Variants in VWDE observed in about 807,000 individuals in gnomAD.
VWDE encodes the protein von Willebrand factor D and EGF domain-containing protein.
A neutral mutation model predicts 178.4 loss-of-function variants in VWDE; 207 were observed. That is an observed-to-expected ratio of 1.16 (90% CI 1.04 to 1.30). The LOEUF is 1.30. Ranked by LOEUF, VWDE falls within the 50% of genes most tolerant of loss-of-function variation. VWDE has a pLI of 0.00. For synonymous variants in VWDE, 738 were observed against 651.4 expected (o/e 1.13, Z -2.02); for missense variants, 2,287 against 1,901.3 (o/e 1.20, Z -3.77).
chr7:12,368,066 C>G (rs1202088175), intron 12 of VWDE, among the ~76,000 whole-genome samples: 1 of 151,396 alleles, frequency 6.6e-6, no homozygotes, highest in African/African-American at 2.4e-5. Context: ...CCTTAAAAAT[C>G]TTGATGAAAA....
chr7:12,342,001 A>T, intron 23 of VWDE, 58 bp downstream of exon 23: 1 of 1,370,558 alleles, frequency 7.3e-7, no homozygotes, highest in Non-Finnish European at 1.0e-6. Flanking sequence ...CGTCTTCAGG[A>T]CATTGGCATA....
In VWDE at chr7:12,367,363, C is replaced by T. The variant is rs6460939; in HGVS notation, c.2892G>A (p.Lys964=). ...AACTCTATAATTAACATACCTGTAG[C>T]TTAGTAACTTCACATTTAATTGAAG... ...ELPSIKCEVT[K]LQYNSSEWMP... is the part of the protein sequence containing the mutation. Residue 964 remains lysine (K), a synonymous_variant, in exon 13 of 29, where the codon AAG becomes AAA. Coordinates refer to ENST00000275358, the MANE Select transcript of VWDE (RefSeq NM_001135924.3). 2 of 1,541,622 alleles carry T rather than the reference C, an allele frequency of 1.3e-6. No homozygotes were observed. Among genetic ancestry groups the T allele is most frequent in the Admixed American group, 2.0e-5 (1 of 49,614 alleles).
At chr7:12,371,909 G>T (rs1237163207) in intron 10 of VWDE, among the ~76,000 whole-genome samples, 1 of 151,808 alleles carries the variant, frequency 6.6e-6, no homozygotes, top group East Asian at 1.9e-4. Flanking sequence ...CATCACTGGG[G>T]GTATGCACAT....
Position 12,367,503 on chromosome 7 carries a change from A to T in VWDE, c.2762-10T>A. ...ATTTCAGGAGCTTTGTCTTTGGAAA[A>T]AAAATATAACAAATACTACATATTT... is the stretch of plus-strand genomic sequence containing the variant. On this transcript the variant is annotated splice_polypyrimidine_tract_variant and intron_variant, in intron 12 of 28. Transcript: ENST00000275358. 1 of 1,489,794 alleles carries T rather than the reference A, an allele frequency of 6.7e-7. No individual in the cohort carries two copies. Among genetic ancestry groups the T allele is most frequent in the Non-Finnish European group, 8.9e-7 (1 of 1,121,742 alleles). The allele number at this position is 1,489,794 out of a possible 1,614,324, so 92.3% of individuals were successfully genotyped here. A position where few individuals can be genotyped will look rare whatever the true frequency, so the allele number is the denominator to read the frequency against.
At chr7:12,352,703 T>C (rs532467114) in intron 18 of VWDE, among the ~76,000 whole-genome samples, 1 of 152,300 alleles carries the variant, frequency 6.6e-6, no homozygotes, top group African/African-American at 2.4e-5. Context: ...TGCTCATATC[T>C]GTGGGGCTGG....
chr7:12,340,352 T>A lies in VWDE; in HGVS notation c.4336A>T (p.Asn1446Tyr). ...TGACAGTGTTCCCCAAAGAATCCAT[T>A]TGGACAGAGGCAAGTATTTGGCTTA... ...CNKPNTCLCP[N>Y]GFFGEHCQNA... Residue 1446 changes from asparagine (N) to tyrosine (Y), a missense_variant, in exon 24 of 29, where the codon AAT becomes TAT. Asn to Tyr is a moderately radical substitution (Grantham distance 143, BLOSUM62 -2). Coordinates refer to ENST00000275358, the MANE Select transcript of VWDE (RefSeq NM_001135924.3). 5.2e-6 allele frequency: 8 copies of A among 1,551,426 alleles called. No individual in the cohort carries two copies. Among genetic ancestry groups the A allele is most frequent in the Non-Finnish European group, 7.0e-6 (8 of 1,146,830 alleles).
intron 3 of VWDE, chr7:12,388,729 G>C: frequency 3.1e-6 from 1 of 326,988 alleles, no homozygotes; most frequent in Admixed American, 4.1e-5. Flanking sequence ...TTCTGGCACA[G>C]GATAAACATT....
In VWDE at chr7:12,344,263, T is replaced by C. The variant is rs917601505; in HGVS notation, c.4010A>G (p.His1337Arg). The change falls in exon 21 of 29, where the codon CAT becomes CGT. Residue 1337 changes from histidine (H) to arginine (R), a missense_variant. Transcript: ENST00000275358. Reference sequence around the variant, plus strand: ...AATGTTAGGCTTAATACATTTTCCATGGTTTTTGCAATCAGGGTCACAAAG... The same window carrying C: ...AATGTTAGGCTTAATACATTTTCCACGGTTTTTGCAATCAGGGTCACAAAG... ...TALCDPDCKN[H>R]GKCIKPNICQ... The C allele has an allele frequency of 1.1e-5, 17 of 1,551,156 alleles. No individual in the cohort carries two copies. The Admixed American group carries it at 3.1e-4, about 29-fold the overall frequency.
At position 12,342,189 on chromosome 7, in the gene VWDE, G is replaced by C. The variant is rs1481486739; in HGVS notation, c.4175-35C>G. 2.0e-6 allele frequency: 3 copies of C among 1,523,944 alleles called. No individual in the cohort carries two copies. In the African/African-American group the frequency reaches 4.1e-5, roughly 21 times the overall value. 94.4% of individuals were successfully genotyped at this position (1,523,944 alleles called of 1,614,324 possible). On this transcript the variant is annotated intron_variant, in intron 22 of 28. Coordinates refer to ENST00000275358, the MANE Select transcript of VWDE (RefSeq NM_001135924.3). Reference sequence around the variant, plus strand: ...TAGAATAAAGAGAAAAGAAAGATTAGGCTTGGAGTAGTCATATTGTTGGTT... The same window carrying C: ...TAGAATAAAGAGAAAAGAAAGATTACGCTTGGAGTAGTCATATTGTTGGTT...
chr7:12,396,680 C>A (rs1784640146), intron 1 of VWDE, among the ~76,000 whole-genome samples: 1 of 151,930 alleles, frequency 6.6e-6, no homozygotes, highest in African/African-American at 2.4e-5. Flanking sequence ...GGCCAAGAGG[C>A]CAAGGCAGGT....
chr7:12,379,819 G>T (rs917697331), intron 5 of VWDE, among the ~76,000 whole-genome samples: 3 of 152,138 alleles, frequency 2.0e-5, no homozygotes, highest in Admixed American at 1.3e-4. Flanking sequence ...TTAAGGCCGG[G>T]TGCGGTGGCT....
At chr7:12,364,482 C>T (rs1281208694) in intron 13 of VWDE, among the ~76,000 whole-genome samples, 2 of 151,912 alleles carry the variant, frequency 1.3e-5, no homozygotes, top group African/African-American at 2.4e-5. Flanking sequence ...GACGTGTGAA[C>T]GAATTTGTAA....
In VWDE at chr7:12,333,632, C is replaced by T. The variant is rs1455118038; in HGVS notation, c.4655-64G>A. ...ATGAAATGCTTGTGGCATATTCTATCCTAGTGGTCTGGGGCTATCTGGTGA... is the reference window on the plus strand; with the variant it reads ...ATGAAATGCTTGTGGCATATTCTATTCTAGTGGTCTGGGGCTATCTGGTGA... On this transcript the variant is annotated intron_variant, in intron 27 of 28. Coordinates refer to ENST00000275358, the MANE Select transcript of VWDE (RefSeq NM_001135924.3). 2.9e-5 allele frequency: 33 copies of T among 1,143,596 alleles called. No homozygotes were observed. In the East Asian group the frequency reaches 7.4e-4, roughly 26 times the overall value. 70.8% of individuals were successfully genotyped at this position (1,143,596 alleles called of 1,614,324 possible). A position where few individuals can be genotyped will look rare whatever the true frequency, so the allele number is the denominator to read the frequency against.
rs114492113 is a variant in VWDE, at chr7:12,355,525, A to G, written c.3745+586T>C. On this transcript the variant is annotated intron_variant, in intron 18 of 28. Transcript: ENST00000275358. ...CAAGAAAAATATCAGCTCATTAACT[A>G]TATATTTACTTATTTAATATTTACA... Among the ~76,000 whole-genome samples the G allele has an allele frequency of 3.2e-3, 494 of 152,258 alleles. 9 individuals carry two copies. Among genetic ancestry groups the G allele is most frequent in the African/African-American group, 0.011 (469 of 41,564 alleles).
At chr7:12,401,455 A>T (rs1784889728) in intron 1 of VWDE, among the ~76,000 whole-genome samples, 1 of 152,164 alleles carries the variant, frequency 6.6e-6, no homozygotes, top group Admixed American at 6.5e-5. Context: ...CTCAATAAGA[A>T]AAAGGCCAAG....
chr7:12,379,996 G>T (rs1783755819), intron 5 of VWDE, among the ~76,000 whole-genome samples: 1 of 151,836 alleles, frequency 6.6e-6, no homozygotes, highest in Non-Finnish European at 1.5e-5. Context: ...TACTCAGGAG[G>T]CTGAGGCAGG....
At chr7:12,366,481 T>C (rs13234853) in intron 13 of VWDE, among the ~76,000 whole-genome samples, 1 of 152,136 alleles carries the variant, frequency 6.6e-6, no homozygotes, top group African/African-American at 2.4e-5. Flanking sequence ...TTAAGTGATA[T>C]TAAAATTACT....
intron 4 of VWDE, among the ~76,000 whole-genome samples, chr7:12,382,826 CTACT>C (rs1783922523): frequency 6.6e-6 from 1 of 151,764 alleles, no homozygotes; most frequent in Non-Finnish European, 1.5e-5. Flanking sequence ...CTTAGATAAT[CTACT>C]TAGAGTAATT....
chr7:12,360,874 C>T (rs1474838215), intron 15 of VWDE, among the ~76,000 whole-genome samples: 1 of 152,078 alleles, frequency 6.6e-6, no homozygotes, highest in Non-Finnish European at 1.5e-5. Context: ...ACTGAAAAAA[C>T]AATGTAGGTA....
Sources: allele counts gnomAD v4.1 joint callset (sites outside exome capture counted in the v4.1 genomes callset), GRCh38; gene constraint gnomAD v4.1.1; transcripts MANE v1.5; gene names NCBI Gene and HGNC (gene_info 2026-07-23, HGNC 2026-07-21).